ARHGEF4: variants seen among roughly 807,000 people sequenced by gnomAD.
The protein encoded by ARHGEF4 is APC-stimulated guanine nucleotide exchange factor 1.
In ARHGEF4, 119 loss-of-function variants were observed where a neutral mutation model predicts 162.0. The ratio of observed to expected loss-of-function variants is 0.73; its 90% CI spans 0.63 to 0.86. ARHGEF4 has a LOEUF of 0.86. ARHGEF4 is among the 40% of genes least tolerant of loss of function. ARHGEF4 has a pLI of 0.00. For missense variants in ARHGEF4, 2,488 were observed against 2,456.0 expected (o/e 1.01, Z -0.28); for synonymous variants, 1,014 against 979.9 (o/e 1.03, Z -0.65).
intron 1 of ARHGEF4, among the ~76,000 whole-genome samples, chr2:130,898,980 C>T (rs951024453): frequency 2.0e-5 from 3 of 152,036 alleles, no homozygotes; most frequent in Non-Finnish European, 4.4e-5. Flanking sequence ...CTTGCCCGAG[C>T]GTGGAATTCT....
Position 130,914,421 on chromosome 2 carries a change from G to A in ARHGEF4, c.475G>A (p.Gly159Arg), listed in dbSNP as rs966839570. ...FATVAGEQEA[G>R]HLWDCATSLE... ...CACAGTTGCTGGAGAACAGGAGGCA[G>A]GACACCTCTGGGACTGCGCGACCAG... Residue 159 changes from glycine to arginine, a missense_variant, in exon 2 of 14, where the codon GGA (glycine) becomes AGA (arginine). By Grantham distance (125) the Gly-to-Arg change is moderately radical (BLOSUM62 -2). Around this residue, in one of 6 missense-constraint regions of ARHGEF4, gnomAD observed 81 missense variants for 125.8 expected, o/e 0.64. Coordinates refer to ENST00000409359, the MANE Select transcript of ARHGEF4 (RefSeq NM_001367493.1). 1.4e-6 allele frequency: 2 copies of A among 1,442,592 alleles called. No individual in the cohort carries two copies. The highest frequency in any genetic ancestry group is 9.1e-7 in the Non-Finnish European group (1 of 1,104,072). 89.4% of individuals were successfully genotyped at this position (1,442,592 alleles called of 1,614,324 possible).
At chr2:130,980,755 T>C (rs1248642745) in intron 4 of ARHGEF4, among the ~76,000 whole-genome samples, 1 of 152,214 alleles carries the variant, frequency 6.6e-6, no homozygotes, top group East Asian at 1.9e-4. Flanking sequence ...CAGCTTGAGA[T>C]CACAAATCAC....
chr2:131,014,913 G>A (rs1242681357), intron 4 of ARHGEF4, among the ~76,000 whole-genome samples: 1 of 152,148 alleles, frequency 6.6e-6, no homozygotes, highest in Non-Finnish European at 1.5e-5. Flanking sequence ...GGCAGGAGAG[G>A]TGTGGAGAGC....
rs1039001106 is a variant in ARHGEF4 at position 130,992,445 on chromosome 2, C to T, written c.3986-35500C>T. ...GAAGCCAGCGAGACCACGAGCCCAC[C>T]GGGAGGAACAAACAACTCCAGATGC... is the stretch of plus-strand genomic sequence containing the variant. On this transcript the variant is annotated intron_variant, in intron 4 of 13. Coordinates refer to ENST00000409359, the MANE Select transcript of ARHGEF4 (RefSeq NM_001367493.1). Among the ~76,000 whole-genome samples, 93 of 152,206 alleles carry T rather than the reference C, an allele frequency of 6.1e-4. 1 individual carries two copies. The highest frequency in any genetic ancestry group is 2.0e-3 in the African/African-American group (85 of 41,528).
chr2:130,852,959 C>G (rs1160506907), intron 1 of ARHGEF4, among the ~76,000 whole-genome samples: 2 of 152,210 alleles, frequency 1.3e-5, no homozygotes, highest in Non-Finnish European at 2.9e-5. Flanking sequence ...GCAGACTGAT[C>G]GCCCTGGGTG....
Position 131,046,080 on chromosome 2 carries a change from C to CCCT in ARHGEF4, c.5523_5525dup (p.Leu1842dup). On this transcript the variant is annotated inframe_insertion, in exon 14 of 14. Coordinates refer to ENST00000409359, the MANE Select transcript of ARHGEF4 (RefSeq NM_001367493.1). ...TACCTGACGCGCCAGAAGCACCCAG[C>CCCT]CCTGCCCAGCAACCGGCCCCAGCAG... The CCCT allele has an allele frequency of 6.2e-7, 1 of 1,612,908 alleles. No individual in the cohort carries two copies. Among genetic ancestry groups the CCCT allele is most frequent in the Non-Finnish European group, 8.5e-7 (1 of 1,179,866 alleles).
intron 4 of ARHGEF4, among the ~76,000 whole-genome samples, chr2:130,984,011 C>G (rs1427846543): frequency 2.0e-5 from 3 of 152,218 alleles, no homozygotes; most frequent in East Asian, 1.9e-4. Flanking sequence ...AGTGTACATA[C>G]AAATAAACAC....
chr2:130,930,743 A>G (rs1347514416), intron 2 of ARHGEF4, among the ~76,000 whole-genome samples: 2 of 152,236 alleles, frequency 1.3e-5, no homozygotes, highest in African/African-American at 4.8e-5. Context: ...GAAAGTAGAC[A>G]TTTTAACAGA....
At chr2:131,012,338 G>A (rs1459469219) in intron 4 of ARHGEF4, among the ~76,000 whole-genome samples, 1 of 152,154 alleles carries the variant, frequency 6.6e-6, no homozygotes, top group Non-Finnish European at 1.5e-5. Flanking sequence ...GTGGCACGGG[G>A]CAGGTGTCAC....
At chr2:130,892,455 G>A (rs899985768) in intron 1 of ARHGEF4, among the ~76,000 whole-genome samples, 7 of 152,176 alleles carry the variant, frequency 4.6e-5, no homozygotes, top group East Asian at 1.9e-4. Flanking sequence ...TGTGACCTGC[G>A]CTTCTTACCA....
At chr2:130,999,370 A>C (rs1687618741) in intron 4 of ARHGEF4, among the ~76,000 whole-genome samples, 4 of 151,888 alleles carry the variant, frequency 2.6e-5, no homozygotes, top group South Asian at 4.2e-4. Flanking sequence ...GTTAGCCAGG[A>C]TGGTCTCGAT....
At chr2:130,930,719 T>TA (rs951262511) in intron 2 of ARHGEF4, among the ~76,000 whole-genome samples, 9 of 152,338 alleles carry the variant, frequency 5.9e-5, no homozygotes, top group African/African-American at 2.2e-4. Context: ...CTAGATTTTT[T>TA]AAAAAATACT....
At chr2:131,015,075 C>T (rs1688690330) in intron 4 of ARHGEF4, among the ~76,000 whole-genome samples, 1 of 152,124 alleles carries the variant, frequency 6.6e-6, no homozygotes, top group African/African-American at 2.4e-5. Context: ...GCTGGAGTCA[C>T]ACACACAGCA....
intron 1 of ARHGEF4, among the ~76,000 whole-genome samples, chr2:130,884,168 C>T (rs1679365090): frequency 1.3e-5 from 2 of 151,990 alleles, no homozygotes; most frequent in Non-Finnish European, 2.9e-5. Flanking sequence ...TGAGCTGAGC[C>T]TGGAGATGTT....
intron 4 of ARHGEF4, among the ~76,000 whole-genome samples, chr2:131,010,490 A>G (rs910248120): frequency 6.6e-6 from 1 of 152,136 alleles, no homozygotes; most frequent in African/African-American, 2.4e-5. Context: ...TATTTTATTC[A>G]TTGAGTGATT....
In ARHGEF4 at chr2:130,918,783, CTGTT is replaced by C. The variant is rs200975898; in HGVS notation, c.3552+1289_3552+1292del. ...CAGGAAATGGCTTCACCTCCTCAGT[CTGTT>C]TGTGTATCTCTACGCAGTTAAACAC... On this transcript the variant is annotated intron_variant, in intron 2 of 13. Coordinates refer to ENST00000409359, the MANE Select transcript of ARHGEF4 (RefSeq NM_001367493.1). Among the ~76,000 whole-genome samples the C allele has an allele frequency of 5.8e-3, 883 of 152,342 alleles. 12 individuals are homozygous for C. Among genetic ancestry groups the C allele is most frequent in the African/African-American group, 0.02 (819 of 41,578 alleles).
intron 8 of ARHGEF4, 100 bp from the exon 9 acceptor site, chr2:131,041,115 GCCCCCAGCCCAGCTC>G: frequency 1.0e-6 from 1 of 959,284 alleles, no homozygotes; most frequent in South Asian, 1.6e-5. Flanking sequence ...GTCTCCCCTA[GCCCCCAGCCCAGCTC>G]CTGAAGGAAA....
chr2:130,956,282 A>G (rs932038024), intron 4 of ARHGEF4, among the ~76,000 whole-genome samples: 2 of 152,214 alleles, frequency 1.3e-5, no homozygotes, highest in East Asian at 1.9e-4. Flanking sequence ...ACCATCTCAC[A>G]CCAGTTAGAA....
chr2:131,039,971 G>C (rs1479960631), intron 6 of ARHGEF4, 45 bp from the exon 7 acceptor site: 1 of 1,542,536 alleles, frequency 6.5e-7, no homozygotes, highest in African/African-American at 1.4e-5. Context: ...GCGGGGCGTT[G>C]CTCCGAGGGA....
Sources: gnomAD v4.1 joint callset for allele counts (sites outside exome capture counted in the v4.1 genomes callset) on GRCh38, gnomAD v4.1.1 for gene constraint, gnomAD v4.1.1 regional missense constraint, MANE v1.5 for transcripts, NCBI Gene and HGNC (gene_info 2026-07-23, HGNC 2026-07-21) for gene names.